FRMPD4: variants seen among roughly 807,000 people sequenced by gnomAD.
FRMPD4 encodes FERM and PDZ domain containing 4.
Under a neutral mutation model 94.1 loss-of-function variants are expected in FRMPD4, and 22 were observed. The observed-to-expected ratio is 0.23, with a 90% confidence interval of 0.17 to 0.33. The LOEUF is 0.33. FRMPD4 is among the 10% of genes least tolerant of loss of function. FRMPD4 has a pLI of 1.00. For synonymous variants in FRMPD4, 631 were observed against 548.6 expected, an observed-to-expected ratio of 1.15 and a Z score of -2.10; for missense variants, 1,111 against 1,339.9, an observed-to-expected ratio of 0.83 and a Z score of 2.67.
chrX:12,202,171 GAC>G (rs767766948), intron 1 of FRMPD4, among the ~76,000 whole-genome samples: 1 of 111,400 alleles, frequency 9.0e-6, no homozygotes, highest in African/African-American at 3.3e-5. Context: ...GAATCTTATT[GAC>G]AGTGTACACG....
At chrX:12,454,618 A>C (rs2057311889) in intron 1 of FRMPD4, among the ~76,000 whole-genome samples, 1 of 110,024 alleles carries the variant, frequency 9.1e-6, no homozygotes, top group Non-Finnish European at 1.9e-5. Context: ...AGAGAGAAGC[A>C]AGCCCACGTG....
intron 3 of FRMPD4, among the ~76,000 whole-genome samples, chrX:12,111,951 A>G (rs1188984059): frequency 2.7e-5 from 3 of 111,343 alleles, no homozygotes; most frequent in Non-Finnish European, 5.7e-5. Flanking sequence ...AAATAGGAAC[A>G]CTTTTACACT....
At chrX:11,825,281 T>A (rs1438281355) in intron 1 of FRMPD4, among the ~76,000 whole-genome samples, 1 of 102,569 alleles carries the variant, frequency 9.7e-6, no homozygotes, top group African/African-American at 3.6e-5. Context: ...AAAAAAAAAA[T>A]AGTGAACGGC....
chrX:11,845,199 A>T (rs1227414516), intron 1 of FRMPD4, among the ~76,000 whole-genome samples: 2 of 112,067 alleles, frequency 1.8e-5, no homozygotes, highest in African/African-American at 6.5e-5. Flanking sequence ...GACAGTTTCT[A>T]TTGACTATTT....
intron 1 of FRMPD4, among the ~76,000 whole-genome samples, chrX:12,195,632 C>G (rs1382141306): frequency 9.0e-6 from 1 of 111,607 alleles, no homozygotes; most frequent in East Asian, 2.8e-4. Context: ...TCCAGACTCC[C>G]AGAAGGAAAG....
intron 1 of FRMPD4, among the ~76,000 whole-genome samples, chrX:12,424,006 A>G (rs1292190341): frequency 3.6e-5 from 4 of 112,598 alleles, no homozygotes; most frequent in African/African-American, 1.3e-4. Context: ...TTCAAAATAA[A>G]ACATATCATG....
chrX:11,941,243 G>A (rs1326845287), intron 3 of FRMPD4, among the ~76,000 whole-genome samples: 1 of 51,490 alleles, frequency 1.9e-5, no homozygotes, highest in Non-Finnish European at 4.6e-5. Context: ...AGAAATCACC[G>A]TCTTCTGCGT....
chrX:12,029,189 T>C (rs1335040671), intron 3 of FRMPD4, among the ~76,000 whole-genome samples: 1 of 112,065 alleles, frequency 8.9e-6, no homozygotes. Flanking sequence ...AGGTGTGTGG[T>C]GGTATTTAGT....
chrX:12,227,468 G>A (rs769321439), intron 1 of FRMPD4, among the ~76,000 whole-genome samples: 1 of 111,448 alleles, frequency 9.0e-6, no homozygotes, highest in East Asian at 2.8e-4. Context: ...TCTAATAATT[G>A]GAGGAATTGA....
At chrX:12,014,418 T>A (rs910175558) in intron 3 of FRMPD4, among the ~76,000 whole-genome samples, 1 of 111,822 alleles carries the variant, frequency 8.9e-6, no homozygotes, top group Admixed American at 9.5e-5. Context: ...TATTTACAAG[T>A]TCTTATTTTT....
intron 3 of FRMPD4, among the ~76,000 whole-genome samples, chrX:12,130,062 T>A (rs759123197): frequency 3.8e-4 from 40 of 106,081 alleles, no homozygotes; most frequent in African/African-American, 1.3e-3. Context: ...AACAAAATAC[T>A]TGGTTATCTT....
intron 1 of FRMPD4, among the ~76,000 whole-genome samples, chrX:12,152,985 C>G (rs1458842458): frequency 1.0e-5 from 1 of 99,228 alleles, no homozygotes; most frequent in Non-Finnish European, 2.0e-5. Flanking sequence ...GGACTGCGGA[C>G]TGCAGTGGCG....
At chrX:12,608,441 T>A (rs1437188127) in intron 2 of FRMPD4, among the ~76,000 whole-genome samples, 1 of 112,981 alleles carries the variant, frequency 8.9e-6, no homozygotes, top group Non-Finnish European at 1.9e-5. Flanking sequence ...TTGATAAGAC[T>A]TCTGAAGTTT....
At chrX:12,587,016 G>A (rs1037437708) in intron 2 of FRMPD4, among the ~76,000 whole-genome samples, 2 of 107,711 alleles carry the variant, frequency 1.9e-5, no homozygotes, top group Admixed American at 9.9e-5. Flanking sequence ...TCACTCTGTC[G>A]CCCAGGCTGG....
At position 12,705,743 on chromosome X, in the gene FRMPD4, C is replaced by T. The variant is rs186903501; in HGVS notation, c.1198-1083C>T. On this transcript the variant is annotated intron_variant, in intron 11 of 16. Transcript: ENST00000675598. ...CTTGTGATTTTTTTTTCAAGCCTGG[C>T]CCACTCGTAATAATTTGGATAACTG... 4.5e-5 allele frequency among the ~76,000 whole-genome samples: 5 copies of T among 110,564 alleles called. No individual in the cohort carries two copies. The East Asian group carries it at 1.1e-3, about 25-fold the overall frequency.
intron 2 of FRMPD4, among the ~76,000 whole-genome samples, chrX:12,515,965 C>CT (rs1358621644): frequency 6.3e-5 from 7 of 111,279 alleles, no homozygotes; most frequent in East Asian, 2.8e-4. Flanking sequence ...CCTCCTTTGT[C>CT]TTTTTTTTAT....
intron 3 of FRMPD4, among the ~76,000 whole-genome samples, chrX:11,918,109 G>A (rs773483028): frequency 7.1e-4 from 80 of 112,100 alleles, no homozygotes; most frequent in African/African-American, 2.6e-3. Context: ...CCTTTAAATA[G>A]ATGTTCTCTT....
chrX:12,206,606 C>A lies in FRMPD4; in HGVS notation c.41+67594C>A, dbSNP rs2056695232. Among the ~76,000 whole-genome samples the A allele has an allele frequency of 2.7e-5, 3 of 112,068 alleles. 1 individual carries two copies. The Admixed American group carries it at 2.8e-4, about 11-fold the overall frequency. On this transcript the variant is annotated intron_variant, in intron 1 of 16. Coordinates refer to ENST00000675598, the MANE Select transcript of FRMPD4 (RefSeq NM_001368397.1). ...AGTCACATTGGCAGCAGCCACCACG[C>A]CTAGTCTTAGAGGTCTCAGATGCAG...
chrX:12,460,602 T>A, intron 1 of FRMPD4, among the ~76,000 whole-genome samples: 1 of 112,568 alleles, frequency 8.9e-6, no homozygotes, highest in African/African-American at 3.2e-5. Flanking sequence ...GCTGTTGTAT[T>A]TGGGTTTCCC....
Sources: allele counts gnomAD v4.1 joint callset (sites outside exome capture counted in the v4.1 genomes callset), GRCh38; gene constraint gnomAD v4.1.1; transcripts MANE v1.5; gene names NCBI Gene and HGNC (gene_info 2026-07-23, HGNC 2026-07-21).